Variants in TIE1 observed in about 807,000 individuals in gnomAD.
TIE1 encodes the protein tyrosine kinase with immunoglobulin like and EGF like domains 1, also known as tyrosine-protein kinase receptor Tie-1.
In TIE1, 89 loss-of-function variants were observed where a neutral mutation model predicts 130.5. The observed-to-expected ratio is 0.68, with a 90% CI of 0.57 to 0.81. The LOEUF is 0.81. Ranked by LOEUF, TIE1 falls within the 40% of genes least tolerant of loss-of-function variation. The pLI is 0.00. For missense variants in TIE1, 1,392 were observed against 1,559.8 expected, an observed-to-expected ratio of 0.89 and a Z score of 1.81; for synonymous variants, 568 against 629.4, an observed-to-expected ratio of 0.90 and a Z score of 1.46.
At chr1:43,314,700 T>C (rs1018783249) in intron 14 of TIE1, 3 of 275,632 alleles carry the variant, frequency 1.1e-5, no homozygotes, top group African/African-American at 2.3e-5. Flanking sequence ...TGGTGGTGCA[T>C]GCCTGTAATC....
At chr1:43,311,499 G>C (rs1476661179) in intron 9 of TIE1, among the ~76,000 whole-genome samples, 172 bp from the exon 10 acceptor site, 2 of 151,948 alleles carry the variant, frequency 1.3e-5, no homozygotes, top group East Asian at 3.9e-4. Context: ...CTTAATCCTT[G>C]TGCCCCAAGC....
In TIE1 at chr1:43,309,475, T is replaced by G. The variant is rs1201618517; in HGVS notation, c.1276T>G (p.Cys426Gly). 1.2e-6 allele frequency: 2 copies of G among 1,610,716 alleles called. No individual in the cohort carries two copies. Among genetic ancestry groups the G allele is most frequent in the Non-Finnish European group, 1.7e-6 (2 of 1,178,658 alleles). ...TCTTGCGGACAGTGGGTTCTGGGAG[T>G]GCCGTGTGTCCACATCTGGCGGCCA... is the stretch of plus-strand genomic sequence containing the variant. ...LVLADSGFWECRVSTSGGQDS... is the reference protein window; with the variant it reads ...LVLADSGFWEGRVSTSGGQDS... Residue 426 changes from cysteine to glycine, a missense_variant, in exon 9 of 23, where the codon TGC (cysteine) becomes GGC (glycine). Around this residue, in one of 6 missense-constraint regions of TIE1, gnomAD observed 551 missense variants for 565.5 expected, o/e 0.97. Coordinates refer to ENST00000372476, the MANE Select transcript of TIE1 (RefSeq NM_005424.5). This position sits in a 1 kb window ranked among gnomAD's most constrained non-coding sequence, Gnocchi z 6.3.
chr1:43,322,553 A>G lies in TIE1; in HGVS notation c.3346-98A>G, dbSNP rs180810259. 281 of 877,138 alleles carry G rather than the reference A, an allele frequency of 3.2e-4. 2 individuals are homozygous for G. The African/African-American group carries it at 4.2e-3, about 13-fold the overall frequency. The allele number at this position is 877,138 out of a possible 1,614,324, so 54.3% of individuals were successfully genotyped here. A position where few individuals can be genotyped will look rare whatever the true frequency, so the allele number is the denominator to read the frequency against. ...CCATCTTAGGTCTCCAGAACAAATCAGTGTCAGTTCAAATGCCCCCACCAC... is the reference window on the plus strand; with the variant it reads ...CCATCTTAGGTCTCCAGAACAAATCGGTGTCAGTTCAAATGCCCCCACCAC... On this transcript the variant is annotated intron_variant, in intron 22 of 22. Coordinates refer to ENST00000372476, the MANE Select transcript of TIE1 (RefSeq NM_005424.5). This position sits in a 1 kb window ranked among gnomAD's most constrained non-coding sequence, Gnocchi z 4.0.
Position 43,305,224 on chromosome 1 carries a change from A to G in TIE1, c.374-9A>G. 6.2e-7 allele frequency: 1 copy of G among 1,613,548 alleles called. No homozygotes were observed. Among genetic ancestry groups the G allele is most frequent in the Non-Finnish European group, 8.5e-7 (1 of 1,179,806 alleles). ...AAACCAGGCCGCTGACCCACCTTCC[A>G]CCCCGCAGCCCACCTGCTTCCAGAC... On this transcript the variant is annotated splice_polypyrimidine_tract_variant and intron_variant, in intron 2 of 22. Transcript: ENST00000372476.
At position 43,314,052 on chromosome 1, in the gene TIE1, C is replaced by CT. The variant is rs772822562; in HGVS notation, c.2409+86dup. ...TGTGTACACACAATACCTTGTACAC[C>CT]TTGTGTGTGTGTGTGTGTGTGTGTT... is the stretch of plus-strand genomic sequence containing the variant. On this transcript the variant is annotated intron_variant, in intron 14 of 22. Coordinates refer to ENST00000372476, the MANE Select transcript of TIE1 (RefSeq NM_005424.5). 62 of 1,345,248 alleles carry CT rather than the reference C, an allele frequency of 4.6e-5. No individual in the cohort carries two copies. In the South Asian group the frequency reaches 6.1e-4, roughly 13 times the overall value. 83.3% of individuals were successfully genotyped at this position (1,345,248 alleles called of 1,614,324 possible). A position where few individuals can be genotyped will look rare whatever the true frequency, so the allele number is the denominator to read the frequency against.
Position 43,307,243 on chromosome 1 carries a change from C to G in TIE1, c.742C>G (p.Pro248Ala). 1 of 1,614,124 alleles carries G rather than the reference C, an allele frequency of 6.2e-7. No homozygotes were observed. ...HDHDGECVCP[P>A]GFTGTRCEQA... ...CCATGACGGCGAATGTGTATGCCCCCCTGGCTTCACTGGCACCCGCTGTGA... is the reference window on the plus strand; with the variant it reads ...CCATGACGGCGAATGTGTATGCCCCGCTGGCTTCACTGGCACCCGCTGTGA... The change falls in exon 5 of 23, where the codon CCT becomes GCT. Residue 248 changes from proline (P) to alanine (A), a missense_variant. By Grantham distance (27) the Pro-to-Ala change is conservative. Transcript: ENST00000372476. This position sits in a 1 kb window ranked among gnomAD's most constrained non-coding sequence, Gnocchi z 5.4.
At chr1:43,308,116 C>A (rs890682971) in intron 7 of TIE1, among the ~76,000 whole-genome samples, 192 bp downstream of exon 7, 1 of 152,174 alleles carries the variant, frequency 6.6e-6, no homozygotes, top group Non-Finnish European at 1.5e-5. Flanking sequence ...CAGCAGGGAG[C>A]CAGTCCAGCA....
chr1:43,313,677 G>C lies in TIE1; in HGVS notation c.2219-101G>C, dbSNP rs1646828520. 1 of 1,303,156 alleles carries C rather than the reference G, an allele frequency of 7.7e-7. No homozygotes were observed. Among genetic ancestry groups the C allele is most frequent in the Admixed American group, 2.5e-5 (1 of 39,768 alleles). The allele number at this position is 1,303,156 out of a possible 1,614,324, so 80.7% of individuals were successfully genotyped here. A position where few individuals can be genotyped will look rare whatever the true frequency, so the allele number is the denominator to read the frequency against. On this transcript the variant is annotated intron_variant, in intron 13 of 22. Coordinates refer to ENST00000372476, the MANE Select transcript of TIE1 (RefSeq NM_005424.5). The surrounding 1 kb of genome is among the most constrained non-coding windows in gnomAD (Gnocchi z 6.2). ...GCCCAAGTGATTTCCTGACAGTCCT[G>C]GCACTGGGATCTTTCACCTCTCCCT...
rs1030100852 is a variant in TIE1 at position 43,319,430 on chromosome 1, C to T, written c.3037-29C>T. 3 of 1,613,742 alleles carry T rather than the reference C, an allele frequency of 1.9e-6. No individual in the cohort carries two copies. The highest frequency in any genetic ancestry group is 1.3e-5 in the African/African-American group (1 of 75,034). ...GCCTCAAACAGGCCCTTCCTCCACACTCAGCCCCTCAAACCCATTCTCTCC... is the reference window on the plus strand; with the variant it reads ...GCCTCAAACAGGCCCTTCCTCCACATTCAGCCCCTCAAACCCATTCTCTCC... On this transcript the variant is annotated intron_variant, in intron 18 of 22. Coordinates refer to ENST00000372476, the MANE Select transcript of TIE1 (RefSeq NM_005424.5). The surrounding 1 kb of genome is among the most constrained non-coding windows in gnomAD (Gnocchi z 4.7).
rs1432788146 is a variant in TIE1, at chr1:43,317,052, G to C, written c.2410-147G>C. 2 of 769,626 alleles carry C rather than the reference G, an allele frequency of 2.6e-6. No individual in the cohort carries two copies. The highest frequency in any genetic ancestry group is 4.5e-6 in the Non-Finnish European group (2 of 443,504). 47.7% of individuals were successfully genotyped at this position (769,626 alleles called of 1,614,324 possible). On this transcript the variant is annotated intron_variant, in intron 14 of 22. Coordinates refer to ENST00000372476, the MANE Select transcript of TIE1 (RefSeq NM_005424.5). The surrounding 1 kb of genome is among the most constrained non-coding windows in gnomAD (Gnocchi z 5.1). ...AGTTATGTCCTCTGTCTGCCTGTCT[G>C]TCCCTGGCTGACCACCAGGGTGCCC...
rs776692394 is a variant in TIE1, at chr1:43,318,192, G to A, written c.2922+120G>A. 2.1e-5 allele frequency: 27 copies of A among 1,289,160 alleles called. No homozygotes were observed. The highest frequency in any genetic ancestry group is 2.8e-5 in the Non-Finnish European group (27 of 959,620). 79.9% of individuals were successfully genotyped at this position (1,289,160 alleles called of 1,614,324 possible). A position where few individuals can be genotyped will look rare whatever the true frequency, so the allele number is the denominator to read the frequency against. ...TTGAGGTTCCTGGCCCAAGTGTGTG[G>A]GTGGGTGCAAGCACAGCGAGGAGGC... On this transcript the variant is annotated intron_variant, in intron 17 of 22. Transcript: ENST00000372476. This position sits in a 1 kb window ranked among gnomAD's most constrained non-coding sequence, Gnocchi z 4.4.
rs767612902 is a variant in TIE1, at chr1:43,301,114, T to C, written c.43T>C (p.Leu15=). The part of the protein sequence containing the change: ...VPPFLLPILF[L]ASHVGAAVDL... ...CCCTTTCTTGCTCCCCATCCTCTTCTTGGCTTCTCATGTGGGTAAGTCTCC... is the reference window on the plus strand; with the variant it reads ...CCCTTTCTTGCTCCCCATCCTCTTCCTGGCTTCTCATGTGGGTAAGTCTCC... The change falls in exon 1 of 23, where the codon TTG becomes CTG. Residue 15 remains leucine (L), a synonymous_variant. Transcript: ENST00000372476. 3 of 1,613,802 alleles carry C rather than the reference T, an allele frequency of 1.9e-6. No individual in the cohort carries two copies. The highest frequency in any genetic ancestry group is 2.5e-6 in the Non-Finnish European group (3 of 1,179,870).
chr1:43,309,149 C>G lies in TIE1; in HGVS notation c.1188+18C>G. On this transcript the variant is annotated intron_variant, in intron 8 of 22. Coordinates refer to ENST00000372476, the MANE Select transcript of TIE1 (RefSeq NM_005424.5). This position sits in a 1 kb window ranked among gnomAD's most constrained non-coding sequence, Gnocchi z 6.3. ...TGCTCCTGGTCAGCCCCCAATCACC[C>G]CAACCCACCAGCCCCTCAGGCCGCC... is the stretch of plus-strand genomic sequence containing the variant. The G allele has an allele frequency of 6.4e-7, 1 of 1,573,280 alleles. No homozygotes were observed. Among genetic ancestry groups the G allele is most frequent in the Non-Finnish European group, 8.6e-7 (1 of 1,156,494 alleles).
rs1646794100 is a variant in TIE1 at position 43,311,736 on chromosome 1, C to T, written c.1399C>T (p.Pro467Ser). ...TKQSRQLVVS[P>S]LVSFSGDGPI... ...GCAGAGCCGCCAGCTTGTGGTCTCC[C>T]CGCTGGTCTCGTTCTCTGGGGATGG... is the stretch of plus-strand genomic sequence containing the variant. The change falls in exon 10 of 23, where the codon CCG becomes TCG. Residue 467 changes from proline to serine, a missense_variant. By Grantham distance (74) the Pro-to-Ser change is moderately conservative. This residue lies in a region of TIE1 where 551 missense variants were observed against 565.5 expected (regional missense o/e 0.97). Transcript: ENST00000372476. The T allele has an allele frequency of 4.3e-6, 7 of 1,614,010 alleles. No homozygotes were observed. The highest frequency in any genetic ancestry group is 1.1e-5 in the South Asian group (1 of 91,084).
intron 9 of TIE1, among the ~76,000 whole-genome samples, chr1:43,310,054 C>T (rs1226094408): frequency 6.6e-6 from 1 of 152,076 alleles, no homozygotes; most frequent in East Asian, 1.9e-4. Context: ...TGCTCTAAGG[C>T]CTCCTTCGCC....
At position 43,309,152 on chromosome 1, in the gene TIE1, A is replaced by G. The variant is rs748599418; in HGVS notation, c.1188+21A>G. On this transcript the variant is annotated intron_variant, in intron 8 of 22. Transcript: ENST00000372476. The surrounding 1 kb of genome is among the most constrained non-coding windows in gnomAD (Gnocchi z 6.3). ...TCCTGGTCAGCCCCCAATCACCCCA[A>G]CCCACCAGCCCCTCAGGCCGCCTGC... 192 of 1,570,754 alleles carry G rather than the reference A, an allele frequency of 1.2e-4. No individual in the cohort carries two copies. The highest frequency in any genetic ancestry group is 1.6e-4 in the Non-Finnish European group (183 of 1,155,160).
rs375732946 is a variant in TIE1, at chr1:43,307,069, C to T, written c.641-73C>T. ...CCTATGGGTACTTCCTGTGGGTCCC[C>T]TGGAGCCCCTGGATCTCCAGTCCTC... On this transcript the variant is annotated intron_variant, in intron 4 of 22. Coordinates refer to ENST00000372476, the MANE Select transcript of TIE1 (RefSeq NM_005424.5). The surrounding 1 kb of genome is among the most constrained non-coding windows in gnomAD (Gnocchi z 5.4). 79 of 1,612,702 alleles carry T rather than the reference C, an allele frequency of 4.9e-5. No homozygotes were observed. In the African/African-American group the frequency reaches 9.9e-4, roughly 20 times the overall value.
Position 43,313,724 on chromosome 1 carries a change from T to TCTGGGTTC in TIE1, c.2219-52_2219-45dup. ...CCCTCTGTGTAACCCCATGGTGGCC[T>TCTGGGTTC]CTGGGTTCCCTGACCCAGGTGTCCC... On this transcript the variant is annotated intron_variant, in intron 13 of 22. Transcript: ENST00000372476. The surrounding 1 kb of genome is among the most constrained non-coding windows in gnomAD (Gnocchi z 6.2). The TCTGGGTTC allele has an allele frequency of 1.3e-6, 2 of 1,543,582 alleles. No individual in the cohort carries two copies. The highest frequency in any genetic ancestry group is 1.8e-6 in the Non-Finnish European group (2 of 1,141,344).
In TIE1 at chr1:43,306,885, G is replaced by A. The variant is rs150406982; in HGVS notation, c.530G>A (p.Arg177Gln). 15 of 1,613,960 alleles carry A rather than the reference G, an allele frequency of 9.3e-6. No individual in the cohort carries two copies. Among genetic ancestry groups the A allele is most frequent in the African/African-American group, 6.7e-5 (5 of 75,036 alleles). Residue 177 changes from arginine (R) to glutamine (Q), a missense_variant, in exon 4 of 23, where the codon CGG becomes CAG. Physicochemically the swap from Arg to Gln is conservative, Grantham distance 43. Around this residue, in one of 6 missense-constraint regions of TIE1, gnomAD observed 415 missense variants for 424.8 expected, o/e 0.98. Transcript: ENST00000372476. The surrounding 1 kb of genome is among the most constrained non-coding windows in gnomAD (Gnocchi z 4.9). ...GACTGGCATGAAGCCCAGGATGGGC[G>A]GTTCCTGCTGCAGCTCCCAAATGTG... ...TLDWHEAQDG[R>Q]FLLQLPNVQP... is the part of the protein sequence containing the mutation.
Sources: allele counts gnomAD v4.1 joint callset (sites outside exome capture counted in the v4.1 genomes callset), GRCh38; gene constraint gnomAD v4.1.1; regional missense constraint gnomAD v4.1.1; non-coding constraint Gnocchi (gnomAD v3.1); transcripts MANE v1.5; gene names NCBI Gene and HGNC (gene_info 2026-07-23, HGNC 2026-07-21).